Variants in R3HCC1L observed in about 807,000 individuals in gnomAD.
R3HCC1L encodes the protein R3H domain and coiled-coil containing 1 like, also known as coiled-coil domain-containing protein R3HCC1L.
A neutral mutation model predicts 59.9 loss-of-function variants in R3HCC1L; 51 were observed. The ratio of observed to expected loss-of-function variants is 0.85; its 90% confidence interval spans 0.68 to 1.07. The LOEUF is 1.07. R3HCC1L is among the 50% of genes least tolerant of loss of function. The pLI is 0.00. For synonymous variants in R3HCC1L, 322 were observed against 315.2 expected (o/e 1.02, Z -0.23); for missense variants, 965 against 933.0 (o/e 1.03, Z -0.45).
intron 1 of R3HCC1L, among the ~76,000 whole-genome samples, chr10:98,152,089 A>T (rs1846227815): frequency 6.6e-6 from 1 of 152,094 alleles, no homozygotes; most frequent in Non-Finnish European, 1.5e-5. Context: ...AGTGCCTGCG[A>T]TTGCAGGCGC....
intron 1 of R3HCC1L, among the ~76,000 whole-genome samples, chr10:98,153,050 C>T (rs7083483): frequency 0.18 from 27,447 of 151,398 alleles, 2,547 homozygotes; most frequent in Non-Finnish European, 0.2. Flanking sequence ...CGCCTCTGCC[C>T]GGCCGCCCCT....
chr10:98,209,437 TGCTTGCTCAGATATTTATGGTGA>T lies in R3HCC1L; in HGVS notation c.1325_1347del (p.Ala442GlufsTer32). ...ACACTGAAGATTTCAGCAACCCTTC[TGCTTGCTCAGATATTTATGGTGA>T]GAGTATTTCATCTCATTTTACAGAG... is the stretch of plus-strand genomic sequence containing the variant. On this transcript the variant is annotated frameshift_variant, in exon 5 of 10. Coordinates refer to ENST00000298999, the MANE Select transcript of R3HCC1L (RefSeq NM_001351015.2). LOFTEE classifies it high-confidence loss of function. 6.2e-7 allele frequency: 1 copy of T among 1,613,588 alleles called. No homozygotes were observed. Among genetic ancestry groups the T allele is most frequent in the Non-Finnish European group, 8.5e-7 (1 of 1,179,982 alleles).
At chr10:98,160,475 C>T (rs189816414) in intron 2 of R3HCC1L, among the ~76,000 whole-genome samples, 11 of 152,226 alleles carry the variant, frequency 7.2e-5, no homozygotes, top group Non-Finnish European at 1.3e-4. Context: ...AATGTGGCTA[C>T]TAGAAAATAT....
In R3HCC1L at chr10:98,163,291, A is replaced by T. The variant is rs1235252131; in HGVS notation, c.-119-2A>T. 1.0e-5 allele frequency: 6 copies of T among 586,192 alleles called. No individual in the cohort carries two copies. The highest frequency in any genetic ancestry group is 2.7e-6 in the Non-Finnish European group (1 of 370,508). 36.3% of individuals were successfully genotyped at this position (586,192 alleles called of 1,614,324 possible). A position where few individuals can be genotyped will look rare whatever the true frequency, so the allele number is the denominator to read the frequency against. On this transcript the variant is annotated splice_acceptor_variant, in intron 3 of 9. Coordinates refer to ENST00000298999, the MANE Select transcript of R3HCC1L (RefSeq NM_001351015.2). LOFTEE classifies it low-confidence loss of function (5UTR_SPLICE). ...AAATAACTTATTATTACTATTTTTCAGGTGAGGCTGCTGTCAGAAAGGAAC... is the reference window on the plus strand; with the variant it reads ...AAATAACTTATTATTACTATTTTTCTGGTGAGGCTGCTGTCAGAAAGGAAC...
intron 4 of R3HCC1L, among the ~76,000 whole-genome samples, chr10:98,201,722 G>A (rs1438735685): frequency 6.6e-6 from 1 of 152,140 alleles, no homozygotes; most frequent in East Asian, 1.9e-4. Flanking sequence ...TCTGGTAAAG[G>A]AACTATATGA....
chr10:98,213,094 G>A (rs1046414962), intron 5 of R3HCC1L, among the ~76,000 whole-genome samples: 2 of 151,914 alleles, frequency 1.3e-5, no homozygotes, highest in Non-Finnish European at 2.9e-5. Context: ...ATGTTAAGTG[G>A]AAAACCCAAA....
chr10:98,174,896 T>A, intron 4 of R3HCC1L: 2 of 537,164 alleles, frequency 3.7e-6, no homozygotes, highest in Non-Finnish European at 4.8e-6. Flanking sequence ...ATTGCCAGAT[T>A]ACCTTGGCAT....
Position 98,184,772 on chromosome 10 carries a change from T to A in R3HCC1L, c.-15+21375T>A, listed in dbSNP as rs966357992. 4.6e-5 allele frequency among the ~76,000 whole-genome samples: 7 copies of A among 152,178 alleles called. 1 individual carries two copies. Among genetic ancestry groups the A allele is most frequent in the Non-Finnish European group, 1.0e-4 (7 of 68,008 alleles). ...CTCAAGTATGGGGCTTTTTCAGAGATCTTGCCCCTTCTTTAAGCAGGGTAG... is the reference window on the plus strand; with the variant it reads ...CTCAAGTATGGGGCTTTTTCAGAGAACTTGCCCCTTCTTTAAGCAGGGTAG... On this transcript the variant is annotated intron_variant, in intron 4 of 9. Transcript: ENST00000298999.
chr10:98,212,874 A>G (rs1376477568), intron 5 of R3HCC1L, among the ~76,000 whole-genome samples: 1 of 152,162 alleles, frequency 6.6e-6, no homozygotes, highest in African/African-American at 2.4e-5. Context: ...AGTATCTCCT[A>G]AACTTTTTAA....
chr10:98,209,307 C>A lies in R3HCC1L; in HGVS notation c.1193C>A (p.Ala398Glu). The A allele has an allele frequency of 6.2e-7, 1 of 1,613,882 alleles. No individual in the cohort carries two copies. ...ACTGTTGATAGCCCTTATGTAGTTG[C>A]AGTTAGAATAGCTGATGAGACCTCT... Reference protein sequence around the residue: ...HVTVDSPYVVAVRIADETSIN... With the variant: ...HVTVDSPYVVEVRIADETSIN... Residue 398 changes from alanine to glutamate, a missense_variant, in exon 5 of 10, where the codon GCA becomes GAA. Coordinates refer to ENST00000298999, the MANE Select transcript of R3HCC1L (RefSeq NM_001351015.2).
At chr10:98,165,063 C>T (rs912124562) in intron 4 of R3HCC1L, among the ~76,000 whole-genome samples, 4 of 152,176 alleles carry the variant, frequency 2.6e-5, no homozygotes, top group Non-Finnish European at 5.9e-5. Flanking sequence ...AGTTCGAGAC[C>T]AGCCTGGCCA....
At chr10:98,214,636 C>G (rs1809238123) in intron 5 of R3HCC1L, among the ~76,000 whole-genome samples, 1 of 152,106 alleles carries the variant, frequency 6.6e-6, no homozygotes, top group African/African-American at 2.4e-5. Flanking sequence ...TTTGTTTTAC[C>G]TATAACTGTA....
intron 5 of R3HCC1L, among the ~76,000 whole-genome samples, chr10:98,224,514 C>G (rs1343265632): frequency 6.6e-6 from 1 of 152,116 alleles, no homozygotes; most frequent in Non-Finnish European, 1.5e-5. Context: ...CTGCTAGGCC[C>G]TAAGTGTCTT....
intron 1 of R3HCC1L, among the ~76,000 whole-genome samples, chr10:98,135,916 T>A (rs2133793179): frequency 6.6e-6 from 1 of 152,324 alleles, no homozygotes; most frequent in South Asian, 2.1e-4. Flanking sequence ...AATAGCCAAA[T>A]ATCCCATCTG....
chr10:98,163,068 C>T (rs993381889), intron 3 of R3HCC1L, 93 bp downstream of exon 3: 4 of 207,792 alleles, frequency 1.9e-5, no homozygotes, highest in Non-Finnish European at 2.8e-5. Context: ...CTTTCCTGTC[C>T]TCAGGTCTGA....
intron 9 of R3HCC1L, among the ~76,000 whole-genome samples, chr10:98,236,498 T>C (rs1856976963): frequency 1.3e-5 from 2 of 152,164 alleles, no homozygotes; most frequent in Non-Finnish European, 2.9e-5. Flanking sequence ...GAGAAAACAT[T>C]TGCTATGGTT....
Position 98,208,661 on chromosome 10 carries a change from G to A in R3HCC1L, c.547G>A (p.Val183Met), listed in dbSNP as rs757108666. 1 of 1,614,134 alleles carries A rather than the reference G, an allele frequency of 6.2e-7. No homozygotes were observed. The highest frequency in any genetic ancestry group is 8.5e-7 in the Non-Finnish European group (1 of 1,180,016). ...AGTTCCAAGCAAACCATTCCAAAAT[G>A]TGGAATTCTGTGACTTCAGTAGGCA... is the stretch of plus-strand genomic sequence containing the variant. ...AQVPSKPFQN[V>M]EFCDFSRHEP... The change falls in exon 5 of 10, where the codon GTG becomes ATG. Residue 183 changes from valine (V) to methionine (M), a missense_variant. Transcript: ENST00000298999.
chr10:98,197,214 C>A (rs374507253), intron 4 of R3HCC1L, among the ~76,000 whole-genome samples: 1 of 152,028 alleles, frequency 6.6e-6, no homozygotes, highest in Non-Finnish European at 1.5e-5. Context: ...CATGCCCCCC[C>A]CTCCACCCCT....
chr10:98,185,139 C>T (rs141754552), intron 4 of R3HCC1L, among the ~76,000 whole-genome samples: 42 of 152,182 alleles, frequency 2.8e-4, no homozygotes, highest in African/African-American at 8.7e-4. Flanking sequence ...TCTATTGATA[C>T]GGGATTTTTG....
Sources: gnomAD v4.1 joint callset for allele counts (sites outside exome capture counted in the v4.1 genomes callset) on GRCh38, gnomAD v4.1.1 for gene constraint, MANE v1.5 for transcripts, NCBI Gene and HGNC (gene_info 2026-07-23, HGNC 2026-07-21) for gene names.